CTNNA2: variants seen among roughly 807,000 people sequenced by gnomAD.
The protein encoded by CTNNA2 is catenin alpha-2.
Under a neutral mutation model 101.0 loss-of-function variants are expected in CTNNA2, and 42 were observed. The observed-to-expected ratio is 0.42, with a 90% CI of 0.32 to 0.54. The LOEUF (loss-of-function observed/expected upper bound fraction) is 0.54, where lower values mean the gene tolerates loss of function less well. Ranked by LOEUF, CTNNA2 falls within the 20% of genes least tolerant of loss-of-function variation. CTNNA2 has a pLI of 0.14. For missense variants in CTNNA2, 871 were observed against 1,223.1 expected (o/e 0.71, Z 4.29); for synonymous variants, 450 against 456.4 (o/e 0.99, Z 0.18).
intron 1 of CTNNA2, among the ~76,000 whole-genome samples, chr2:79,196,087 C>A (rs989340321): frequency 1.3e-5 from 2 of 152,106 alleles, no homozygotes; most frequent in African/African-American, 4.8e-5. Flanking sequence ...CAGGCACGAG[C>A]CCCCATGCCC....
intron 7 of CTNNA2, among the ~76,000 whole-genome samples, chr2:79,999,264 C>A (rs968093898): frequency 1.3e-5 from 2 of 152,158 alleles, no homozygotes; most frequent in Non-Finnish European, 2.9e-5. Context: ...GTGTCTTTAC[C>A]ATTGTCCTGC....
At chr2:80,195,366 T>G (rs1706763858) in intron 7 of CTNNA2, among the ~76,000 whole-genome samples, 1 of 152,190 alleles carries the variant, frequency 6.6e-6, no homozygotes, top group Non-Finnish European at 1.5e-5. Flanking sequence ...AAAATCAAAC[T>G]GCACAGAGAA....
intron 9 of CTNNA2, among the ~76,000 whole-genome samples, chr2:80,471,051 A>G (rs566952088): frequency 6.6e-6 from 1 of 152,338 alleles, no homozygotes; most frequent in South Asian, 2.1e-4. Flanking sequence ...GAGCCAGATC[A>G]TAAAGGTCCT....
chr2:79,276,801 C>T (rs971725362), intron 2 of CTNNA2, among the ~76,000 whole-genome samples: 1 of 152,026 alleles, frequency 6.6e-6, no homozygotes, highest in Non-Finnish European at 1.5e-5. Context: ...TTATGGTCCA[C>T]CTGTGTTTCC....
chr2:79,508,344 A>G (rs759662043), upstream of CTNNA2, among the ~76,000 whole-genome samples: 7 of 152,174 alleles, frequency 4.6e-5, no homozygotes, highest in Non-Finnish European at 1.0e-4. Flanking sequence ...CATAGAGCAG[A>G]TACAGGAAAA....
chr2:79,921,836 C>T (rs534344365), intron 7 of CTNNA2, among the ~76,000 whole-genome samples: 5 of 152,264 alleles, frequency 3.3e-5, no homozygotes, highest in African/African-American at 1.2e-4. Context: ...TTGTAGGGAA[C>T]AGCTTCTAAG....
chr2:79,707,446 G>A (rs138980321), intron 2 of CTNNA2, among the ~76,000 whole-genome samples: 194 of 152,252 alleles, frequency 1.3e-3, no homozygotes, highest in African/African-American at 4.4e-3. Context: ...CACCCACCTC[G>A]CTAGGAAAGT....
chr2:80,005,081 C>G (rs1693235883), intron 7 of CTNNA2, among the ~76,000 whole-genome samples: 2 of 152,190 alleles, frequency 1.3e-5, no homozygotes, highest in African/African-American at 4.8e-5. Flanking sequence ...GCCAGGTACC[C>G]TAATTGGGAG....
chr2:79,681,632 C>G (rs1683569219), intron 2 of CTNNA2, among the ~76,000 whole-genome samples: 1 of 152,192 alleles, frequency 6.6e-6, no homozygotes, highest in East Asian at 1.9e-4. Flanking sequence ...ACACATGCAT[C>G]AAAATCCTTT....
intron 7 of CTNNA2, among the ~76,000 whole-genome samples, chr2:79,930,331 AGAAAGAAAGAAAGAAAGAAAGAAAGAAT>A (rs1215656599): frequency 9.1e-4 from 132 of 145,332 alleles, no homozygotes; most frequent in African/African-American, 1.5e-3. Flanking sequence ...AAAGAAAGAA[AGAAAGAAAGAAAGAAAGAAAGAAAGAAT>A]GAACACGGGT....
chr2:79,666,537 T>C (rs1682431268), intron 2 of CTNNA2, among the ~76,000 whole-genome samples: 1 of 152,236 alleles, frequency 6.6e-6, no homozygotes. Flanking sequence ...CATCTGTTCA[T>C]TGTAGTTCGT....
intron 12 of CTNNA2, among the ~76,000 whole-genome samples, chr2:80,570,454 CTAAA>C (rs1208120493): frequency 2.0e-5 from 3 of 152,140 alleles, no homozygotes; most frequent in African/African-American, 7.2e-5. Context: ...TGACCAATCC[CTAAA>C]TAAATATTGA....
At chr2:79,599,573 A>T (rs745935150) in intron 1 of CTNNA2, among the ~76,000 whole-genome samples, 2 of 152,138 alleles carry the variant, frequency 1.3e-5, no homozygotes, top group Non-Finnish European at 2.9e-5. Context: ...GCTAAATAGA[A>T]TTATATCTTT....
intron 3 of CTNNA2, among the ~76,000 whole-genome samples, chr2:79,356,664 C>T (rs1024351108): frequency 6.6e-6 from 1 of 152,142 alleles, no homozygotes; most frequent in Non-Finnish European, 1.5e-5. Flanking sequence ...AGCTTAGTTC[C>T]TAATTGGCTA....
intron 2 of CTNNA2, among the ~76,000 whole-genome samples, chr2:79,207,441 G>A (rs755485902): frequency 1.3e-5 from 2 of 152,108 alleles, no homozygotes; most frequent in African/African-American, 4.8e-5. Flanking sequence ...AAAATTTGTC[G>A]TGACATTGAA....
At chr2:79,856,597 C>T (rs1324065789) in intron 3 of CTNNA2, among the ~76,000 whole-genome samples, 4 of 152,226 alleles carry the variant, frequency 2.6e-5, no homozygotes, top group South Asian at 2.1e-4. Context: ...TGGTTTCTCA[C>T]AGTTTTCACT....
chr2:79,966,165 G>C (rs1254311665), intron 7 of CTNNA2, among the ~76,000 whole-genome samples: 2 of 151,980 alleles, frequency 1.3e-5, no homozygotes, highest in African/African-American at 2.4e-5. Context: ...TATTAGATAA[G>C]GTATTTATTT....
intron 2 of CTNNA2, among the ~76,000 whole-genome samples, chr2:79,273,918 T>G (rs535315571): frequency 1.4e-3 from 207 of 152,138 alleles, no homozygotes; most frequent in Non-Finnish European, 2.4e-3. Flanking sequence ...TGAGCCCTGA[T>G]TCCGCTCTTT....
intron 9 of CTNNA2, among the ~76,000 whole-genome samples, chr2:80,428,377 G>A (rs959493918): frequency 6.6e-6 from 1 of 152,154 alleles, no homozygotes; most frequent in Non-Finnish European, 1.5e-5. Flanking sequence ...AGAAGAATAT[G>A]TCCAATGATA....
Sources: gnomAD v4.1 joint callset for allele counts (sites outside exome capture counted in the v4.1 genomes callset) on GRCh38, gnomAD v4.1.1 for gene constraint, MANE v1.5 for transcripts, NCBI Gene and HGNC (gene_info 2026-07-23, HGNC 2026-07-21) for gene names.